The following GMPS variants were observed in gnomAD, a reference collection of about 807,000 sequenced individuals.
GMPS encodes GMP synthase [glutamine-hydrolyzing].
Under a neutral mutation model 77.9 loss-of-function variants are expected in GMPS, and 15 were observed. The observed-to-expected ratio is 0.19, with a 90% CI of 0.13 to 0.30. The LOEUF (loss-of-function observed/expected upper bound fraction) is 0.30. GMPS is among the 10% of genes least tolerant of loss of function. GMPS has a pLI of 1.00. For missense variants in GMPS, 590 were observed against 838.8 expected (o/e 0.70, Z 3.66); for synonymous variants, 224 against 275.9 (o/e 0.81, Z 1.86).
At chr3:155,927,262 C>T (rs1221451902) in intron 12 of GMPS, among the ~76,000 whole-genome samples, 1 of 152,072 alleles carries the variant, frequency 6.6e-6, no homozygotes, top group Non-Finnish European at 1.5e-5. Context: ...TGCAATGATA[C>T]TTACAGGCAG....
At chr3:155,928,686 C>CT (rs1161525408) in intron 12 of GMPS, among the ~76,000 whole-genome samples, 216 of 108,524 alleles carry the variant, frequency 2.0e-3, no homozygotes, top group Non-Finnish European at 3.0e-3. Flanking sequence ...TCCCTCCCCC[C>CT]TCCCCCCACC....
At chr3:155,928,791 G>GT (rs1329992877) in intron 12 of GMPS, among the ~76,000 whole-genome samples, 2 of 147,284 alleles carry the variant, frequency 1.4e-5, no homozygotes, top group Non-Finnish European at 3.0e-5. Flanking sequence ...GCGGTGTTTG[G>GT]TTTTTTGTTC....
intron 11 of GMPS, among the ~76,000 whole-genome samples, chr3:155,922,806 T>G (rs1267664566): frequency 2.6e-5 from 4 of 152,232 alleles, no homozygotes; most frequent in Non-Finnish European, 5.9e-5. Context: ...AATTCCCCAG[T>G]CTACTTTATT....
At chr3:155,886,752 C>A (rs1411645602) in intron 1 of GMPS, among the ~76,000 whole-genome samples, 1 of 151,348 alleles carries the variant, frequency 6.6e-6, no homozygotes, top group African/African-American at 2.4e-5. Context: ...GTGATCCACC[C>A]GCCTCAGCCT....
chr3:155,886,179 T>A (rs1422559614), intron 1 of GMPS, among the ~76,000 whole-genome samples: 3 of 152,144 alleles, frequency 2.0e-5, no homozygotes, highest in Non-Finnish European at 4.4e-5. Flanking sequence ...ACTTGTCCAT[T>A]CATAATTGTA....
At chr3:155,872,264 T>C (rs1753924873) in intron 1 of GMPS, among the ~76,000 whole-genome samples, 1 of 152,280 alleles carries the variant, frequency 6.6e-6, no homozygotes, top group Middle Eastern at 3.4e-3. Flanking sequence ...AGTAAAAGAT[T>C]ATAAGGTAGC....
At chr3:155,904,515 C>G (rs531889754) in intron 4 of GMPS, among the ~76,000 whole-genome samples, 1 of 152,222 alleles carries the variant, frequency 6.6e-6, no homozygotes, top group Non-Finnish European at 1.5e-5. Flanking sequence ...GTCTCAAACT[C>G]CTAGACCTCG....
In GMPS at chr3:155,920,468, G is replaced by A. The variant is rs1339193026; in HGVS notation, c.1318+1130G>A. On this transcript the variant is annotated intron_variant, in intron 10 of 15. Transcript: ENST00000496455. ...CATGTGCCTGTAATTCTAGCTACTCGGGAGGCTGAGGCAGGAGAATCGCTT... is the reference window on the plus strand; with the variant it reads ...CATGTGCCTGTAATTCTAGCTACTCAGGAGGCTGAGGCAGGAGAATCGCTT... 5.3e-5 allele frequency among the ~76,000 whole-genome samples: 8 copies of A among 151,412 alleles called. No homozygotes were observed. In the South Asian group the frequency reaches 8.3e-4, roughly 16 times the overall value.
In GMPS at chr3:155,940,730, G is replaced by A. The variant is rs958030835; in HGVS notation, c.*3038G>A. 2.9e-5 allele frequency: 6 copies of A among 205,376 alleles called. No homozygotes were observed. Among genetic ancestry groups the A allele is most frequent in the Non-Finnish European group, 2.8e-5 (3 of 105,860 alleles). The allele number at this position is 205,376 out of a possible 1,614,324, so 12.7% of individuals were successfully genotyped here. A position where few individuals can be genotyped will look rare whatever the true frequency, so the allele number is the denominator to read the frequency against. On this transcript the variant is annotated 3_prime_UTR_variant, in exon 16 of 16. Transcript: ENST00000496455. ...GTAAAGCAGGAGACAGAATGGAGAA[G>A]CTGGATAGTGTTTTTTTTTTTTTTT...
At chr3:155,908,823 T>A (rs1372015361) in intron 5 of GMPS, among the ~76,000 whole-genome samples, 1 of 152,190 alleles carries the variant, frequency 6.6e-6, no homozygotes, top group Non-Finnish European at 1.5e-5. Context: ...GTTGTATATA[T>A]GAGCCTGGAC....
intron 12 of GMPS, 33 bp downstream of exon 12, chr3:155,925,399 A>T (rs1451451344): frequency 1.3e-5 from 19 of 1,488,820 alleles, no homozygotes; most frequent in Middle Eastern, 1.8e-4. Context: ...CCAGTGATAT[A>T]CTTTTTTTTT....
chr3:155,904,704 C>A (rs1464289746), intron 4 of GMPS, among the ~76,000 whole-genome samples: 1 of 152,194 alleles, frequency 6.6e-6, no homozygotes, highest in Non-Finnish European at 1.5e-5. Context: ...GCTTGTTCAG[C>A]TTCATAATGG....
chr3:155,930,259 A>G (rs1294834118), intron 12 of GMPS, among the ~76,000 whole-genome samples: 1 of 149,098 alleles, frequency 6.7e-6, no homozygotes, highest in African/African-American at 2.5e-5. Flanking sequence ...AGCAATGGGG[A>G]AAGGATTCCC....
chr3:155,924,542 G>C (rs1755403293), intron 11 of GMPS, among the ~76,000 whole-genome samples: 1 of 152,072 alleles, frequency 6.6e-6, no homozygotes, highest in Non-Finnish European at 1.5e-5. Flanking sequence ...TGCAAGAATA[G>C]AAATAGAGGA....
rs1753882048 is a variant in GMPS at position 155,870,691 on chromosome 3, C to G, written c.-180C>G. The G allele has an allele frequency of 1.5e-5, 8 of 519,534 alleles. No individual in the cohort carries two copies. The South Asian group carries it at 1.9e-4, about 12-fold the overall frequency. 32.2% of individuals were successfully genotyped at this position (519,534 alleles called of 1,614,324 possible). On this transcript the variant is annotated 5_prime_UTR_variant, in exon 1 of 16. Transcript: ENST00000496455. ...GTCTTCTCTCCCGCGGCGCTGGGGC[C>G]CGCGCTCCGCTGCTGTTGCTCCATT...
At chr3:155,870,935 G>T in intron 1 of GMPS, 38 bp downstream of exon 1, 1 of 1,435,298 alleles carries the variant, frequency 7.0e-7, no homozygotes, top group East Asian at 3.0e-5. Flanking sequence ...CATCCCGGCG[G>T]AGGCGAGGCT....
chr3:155,913,682 C>G (rs976337473), intron 7 of GMPS, among the ~76,000 whole-genome samples: 1 of 151,832 alleles, frequency 6.6e-6, no homozygotes, highest in African/African-American at 2.4e-5. Flanking sequence ...CACTACGCCC[C>G]ACTAATTTTT....
chr3:155,892,927 C>T (rs575756024), intron 1 of GMPS, among the ~76,000 whole-genome samples: 57 of 152,278 alleles, frequency 3.7e-4, no homozygotes, highest in African/African-American at 1.2e-3. Flanking sequence ...CCACCGCGCC[C>T]GGCCTAAAAG....
intron 1 of GMPS, among the ~76,000 whole-genome samples, chr3:155,875,602 GT>G (rs1228002894): frequency 2.6e-5 from 4 of 152,214 alleles, no homozygotes; most frequent in Non-Finnish European, 4.4e-5. Context: ...GAATGAAAGT[GT>G]CAGGGTTAAT....
Sources: allele counts gnomAD v4.1 joint callset (sites outside exome capture counted in the v4.1 genomes callset), GRCh38; gene constraint gnomAD v4.1.1; transcripts MANE v1.5; gene names NCBI Gene and HGNC (gene_info 2026-07-23, HGNC 2026-07-21).